The following GPR157 variants were observed in gnomAD, a reference collection of about 807,000 sequenced individuals.
The protein encoded by GPR157 is G protein-coupled receptor 157, also known as G-protein coupled receptor 157.
Under a neutral mutation model 23.5 loss-of-function variants are expected in GPR157, and 16 were observed. The observed-to-expected ratio is 0.68, with a 90% CI of 0.46 to 1.04. The LOEUF (loss-of-function observed/expected upper bound fraction) is 1.04, where lower values mean the gene tolerates loss of function less well. Among genes scored for constraint, GPR157 ranks in the 50% least tolerant of loss-of-function variants. The pLI is 0.00. For synonymous variants in GPR157, 200 were observed against 221.5 expected (o/e 0.90, Z 0.86); for missense variants, 440 against 460.7 (o/e 0.96, Z 0.41).
intron 1 of GPR157, among the ~76,000 whole-genome samples, chr1:9,122,865 T>A (rs1415763696): frequency 6.6e-6 from 1 of 151,916 alleles, no homozygotes. Context: ...CGGACAAAAA[T>A]CTCAATAAAG....
intron 1 of GPR157, among the ~76,000 whole-genome samples, chr1:9,123,688 T>A (rs1443745523): frequency 5.3e-5 from 6 of 113,174 alleles, no homozygotes; most frequent in East Asian, 2.2e-4. Flanking sequence ...AATATATATT[T>A]AATATATATT....
rs2124534622 is a variant in GPR157, at chr1:9,128,043, T to C, written c.383+602A>G. Among the ~76,000 whole-genome samples, 1 of 152,240 alleles carries C rather than the reference T, an allele frequency of 6.6e-6. No homozygotes were observed. The highest frequency in any genetic ancestry group is 1.9e-4 in the East Asian group (1 of 5,184). ...TCCGCCCCTGCCCTCAATCTCAGAA[T>C]TGCTGAACTCTGGAAAGTCAAGATC... is the stretch of plus-strand genomic sequence containing the variant. On this transcript the variant is annotated intron_variant, in intron 1 of 3. Transcript: ENST00000377411. The surrounding 1 kb of genome is among the most constrained non-coding windows in gnomAD (Gnocchi z 6.3).
intron 1 of GPR157, among the ~76,000 whole-genome samples, chr1:9,123,584 T>TTAAAATATATC (rs1638885986): frequency 8.6e-6 from 1 of 116,060 alleles, no homozygotes; most frequent in African/African-American, 3.5e-5. Context: ...AAATATATAT[T>TTAAAATATATC]TAATATTAAT....
At position 9,108,257 on chromosome 1, in the gene GPR157, CCCTCCT is replaced by C. The variant is rs201867471; in HGVS notation, c.598-2583_598-2578del. ...TCTGCAACTAACCTGCTCAGAGCCG[CCCTCCT>C]CCTCCTCCTCCTCCTCCAGCTCACC... On this transcript the variant is annotated intron_variant, in intron 2 of 3. Coordinates refer to ENST00000377411, the MANE Select transcript of GPR157 (RefSeq NM_024980.5). Among the ~76,000 whole-genome samples the C allele has an allele frequency of 1.3e-4, 20 of 151,742 alleles. No individual in the cohort carries two copies. The East Asian group carries it at 2.5e-3, about 19-fold the overall frequency.
intron 1 of GPR157, among the ~76,000 whole-genome samples, chr1:9,122,731 G>A (rs1200856625): frequency 6.6e-6 from 1 of 152,098 alleles, no homozygotes; most frequent in Non-Finnish European, 1.5e-5. Context: ...AAAAATGTCA[G>A]TATCATAAAA....
chr1:9,123,989 C>T (rs938598279), intron 1 of GPR157, among the ~76,000 whole-genome samples: 22 of 151,346 alleles, frequency 1.5e-4, no homozygotes, highest in African/African-American at 3.4e-4. Flanking sequence ...CCACCACACT[C>T]GGCTAATTTT....
chr1:9,128,284 C>G lies in GPR157; in HGVS notation c.383+361G>C, dbSNP rs1324402747. ...GACAGTTACCTAACTCGTCTCCCAGCCTGTTTCCCCATGGGCAGCAGAGAC... is the reference window on the plus strand; with the variant it reads ...GACAGTTACCTAACTCGTCTCCCAGGCTGTTTCCCCATGGGCAGCAGAGAC... On this transcript the variant is annotated intron_variant, in intron 1 of 3. Coordinates refer to ENST00000377411, the MANE Select transcript of GPR157 (RefSeq NM_024980.5). This position sits in a 1 kb window ranked among gnomAD's most constrained non-coding sequence, Gnocchi z 6.3. 3 of 533,256 alleles carry G rather than the reference C, an allele frequency of 5.6e-6. No homozygotes were observed. The African/African-American group carries it at 5.7e-5, about 10-fold the overall frequency. The allele number at this position is 533,256 out of a possible 1,614,324, so 33.0% of individuals were successfully genotyped here. A position where few individuals can be genotyped will look rare whatever the true frequency, so the allele number is the denominator to read the frequency against.
At chr1:9,115,661 T>G (rs999421709) in intron 1 of GPR157, among the ~76,000 whole-genome samples, 2 of 152,004 alleles carry the variant, frequency 1.3e-5, no homozygotes, top group African/African-American at 4.8e-5. Flanking sequence ...CCTTACCTCT[T>G]TTTTACATAC....
chr1:9,119,722 G>A (rs1391411011), intron 1 of GPR157, among the ~76,000 whole-genome samples: 1 of 152,180 alleles, frequency 6.6e-6, no homozygotes, highest in Non-Finnish European at 1.5e-5. Context: ...GCTGGGCCGG[G>A]ACCCTCCACC....
chr1:9,119,030 CTT>C (rs775520071), intron 1 of GPR157, among the ~76,000 whole-genome samples: 171 of 113,216 alleles, frequency 1.5e-3, no homozygotes, highest in African/African-American at 5.6e-3. Flanking sequence ...GAGACCCTGC[CTT>C]TTTTTTTTTT....
intron 1 of GPR157, among the ~76,000 whole-genome samples, chr1:9,113,804 G>A (rs1053590029): frequency 4.0e-5 from 6 of 150,916 alleles, no homozygotes; most frequent in Non-Finnish European, 5.9e-5. Context: ...ATTGGTGGGC[G>A]TGGTGGTGCA....
At chr1:9,119,668 A>G (rs910110076) in intron 1 of GPR157, among the ~76,000 whole-genome samples, 3 of 152,112 alleles carry the variant, frequency 2.0e-5, no homozygotes, top group African/African-American at 4.8e-5. Context: ...GAGGTCAGGG[A>G]TGACTTGGAA....
chr1:9,125,565 A>G (rs1477151598), intron 1 of GPR157, among the ~76,000 whole-genome samples: 2 of 151,734 alleles, frequency 1.3e-5, no homozygotes, highest in African/African-American at 4.8e-5. Flanking sequence ...ATTCTCTCTA[A>G]CCTCCTGCCT....
intron 1 of GPR157, among the ~76,000 whole-genome samples, chr1:9,112,709 T>C (rs1339668606): frequency 6.6e-6 from 1 of 152,176 alleles, no homozygotes; most frequent in African/African-American, 2.4e-5. Context: ...TGCCTCAGCC[T>C]CCCAAAGTGC....
In GPR157 at chr1:9,123,192, T is replaced by TATATATATATATATAA. The variant is rs1389305702; in HGVS notation, c.383+5452_383+5453insTTATATATATATATAT. ...AAAAAAAAATATATATATATATATA[T>TATATATATATATATAA]AAATAAAATTTATATATATATTTAT... On this transcript the variant is annotated intron_variant, in intron 1 of 3. Transcript: ENST00000377411. Among the ~76,000 whole-genome samples the TATATATATATATATAA allele has an allele frequency of 4.8e-4, 61 of 127,200 alleles. 1 individual carries two copies. The highest frequency in any genetic ancestry group is 1.7e-3 in the African/African-American group (56 of 32,710). 83.4% of individuals were successfully genotyped at this position (127,200 alleles called of 152,430 possible).
intron 1 of GPR157, among the ~76,000 whole-genome samples, chr1:9,116,476 T>A (rs1341602967): frequency 7.3e-6 from 1 of 136,594 alleles, no homozygotes; most frequent in Non-Finnish European, 1.5e-5. Context: ...GCTTTTTTTT[T>A]TTATTTTATT....
chr1:9,119,329 G>A (rs995397720), intron 1 of GPR157, among the ~76,000 whole-genome samples: 36 of 152,102 alleles, frequency 2.4e-4, no homozygotes, highest in African/African-American at 8.4e-4. Context: ...CACAATGACC[G>A]GCCAAGACTC....
intron 1 of GPR157, among the ~76,000 whole-genome samples, chr1:9,113,887 G>A (rs7515480): frequency 0.29 from 43,457 of 150,030 alleles, 6,448 homozygotes; most frequent in South Asian, 0.34. Flanking sequence ...AGGTTGCGGT[G>A]AGCCGAGATC....
rs1184142452 is a variant in GPR157 at position 9,116,346 on chromosome 1, AT to A, written c.384-4858del. The stretch of plus-strand genomic sequence containing the variant: ...TATATAAATTATATATAATTTATAT[AT>A]AATTATATATAAATTATATATATAT... On this transcript the variant is annotated intron_variant, in intron 1 of 3. Coordinates refer to ENST00000377411, the MANE Select transcript of GPR157 (RefSeq NM_024980.5). 7.2e-4 allele frequency among the ~76,000 whole-genome samples: 12 copies of A among 16,694 alleles called. 1 individual carries two copies. Among genetic ancestry groups the A allele is most frequent in the African/African-American group, 5.5e-3 (12 of 2,180 alleles). The allele number at this position is 16,694 out of a possible 152,430, so 11.0% of individuals were successfully genotyped here.
Sources: gnomAD v4.1 joint callset for allele counts (sites outside exome capture counted in the v4.1 genomes callset) on GRCh38, gnomAD v4.1.1 for gene constraint, Gnocchi (gnomAD v3.1) non-coding constraint, MANE v1.5 for transcripts, NCBI Gene and HGNC (gene_info 2026-07-23, HGNC 2026-07-21) for gene names.